The following ZNF462 variants were observed in gnomAD, a reference collection of about 807,000 sequenced individuals.
The protein encoded by ZNF462 is zinc finger protein 462, also known as zinc finger PBX1-interacting protein.
ZNF462 carries 10 observed loss-of-function variants against 201.9 expected under a neutral mutation model. The ratio of observed to expected loss-of-function variants is 0.05; its 90% CI spans 0.03 to 0.08. The LOEUF is 0.08. ZNF462 is among the 10% of genes least tolerant of loss of function. ZNF462 has a pLI of 1.00. For synonymous variants in ZNF462, 1,227 were observed against 1,193.3 expected (o/e 1.03, Z -0.58); for missense variants, 2,523 against 3,168.3 (o/e 0.80, Z 4.89).
rs1830096988 is a variant in ZNF462, at chr9:106,924,217, A to T, written c.305A>T (p.Lys102Ile). 6.2e-7 allele frequency: 1 copy of T among 1,614,120 alleles called. No homozygotes were observed. The highest frequency in any genetic ancestry group is 8.5e-7 in the Non-Finnish European group (1 of 1,180,026). The change falls in exon 3 of 13, where the codon AAA becomes ATA. Residue 102 changes from lysine (K) to isoleucine (I), a missense_variant. Lys to Ile is a moderately radical substitution (Grantham distance 102). This residue lies in a region of ZNF462 where 480 missense variants were observed against 544.4 expected (regional missense o/e 0.88). Coordinates refer to ENST00000277225, the MANE Select transcript of ZNF462 (RefSeq NM_021224.6). This position sits in a 1 kb window ranked among gnomAD's most constrained non-coding sequence, Gnocchi z 6.2. ...YYGQHIAANPKPTNKFFQCKF... is the reference protein window; with the variant it reads ...YYGQHIAANPIPTNKFFQCKF... The stretch of plus-strand genomic sequence containing the variant: ...GGTCAGCATATTGCCGCTAATCCCA[A>T]ACCAACAAACAAGTTTTTTCAATGC...
rs1254767062 is a variant in ZNF462 at position 106,930,273 on chromosome 9, G to A, written c.5848-252G>A. Among the ~76,000 whole-genome samples, 1 of 152,162 alleles carries A rather than the reference G, an allele frequency of 6.6e-6. No individual in the cohort carries two copies. The highest frequency in any genetic ancestry group is 1.5e-5 in the Non-Finnish European group (1 of 68,036). On this transcript the variant is annotated intron_variant, in intron 3 of 12. Transcript: ENST00000277225. This position sits in a 1 kb window ranked among gnomAD's most constrained non-coding sequence, Gnocchi z 5.8. ...GAAAACCAGATGACTTAGTGGCAGT[G>A]ACGATGAGCTTCTGCACAGAAATCT...
intron 10 of ZNF462, among the ~76,000 whole-genome samples, chr9:106,986,722 C>T (rs1827858732): frequency 6.6e-6 from 1 of 152,118 alleles, no homozygotes. Flanking sequence ...ATCACCCCAG[C>T]AGTATACACT....
chr9:106,999,286 G>A (rs1434997258), intron 10 of ZNF462, among the ~76,000 whole-genome samples: 3 of 151,882 alleles, frequency 2.0e-5, no homozygotes. Flanking sequence ...ACCAATCTCC[G>A]GGCCCAAAAA....
intron 1 of ZNF462, among the ~76,000 whole-genome samples, chr9:106,907,892 A>C (rs1829338774): frequency 6.6e-6 from 1 of 151,936 alleles, no homozygotes; most frequent in Non-Finnish European, 1.5e-5. Flanking sequence ...ACCAGATTCC[A>C]TATTTAAATA....
At position 106,993,021 on chromosome 9, in the gene ZNF462, C is replaced by CT. The variant is rs1201164173; in HGVS notation, c.7056+8619dup. On this transcript the variant is annotated intron_variant, in intron 10 of 12. Coordinates refer to ENST00000277225, the MANE Select transcript of ZNF462 (RefSeq NM_021224.6). The surrounding 1 kb of genome is among the most constrained non-coding windows in gnomAD (Gnocchi z 4.0). ...GCAATTGGTTCCAAACAGGGATTCA[C>CT]TTTTTTTCCCAGTAAAACAGTGCAT... Among the ~76,000 whole-genome samples the CT allele has an allele frequency of 1.3e-5, 2 of 152,052 alleles. No individual in the cohort carries two copies. The highest frequency in any genetic ancestry group is 2.9e-5 in the Non-Finnish European group (2 of 67,970).
rs1382146505 is a variant in ZNF462 at position 106,993,043 on chromosome 9, G to A, written c.7056+8634G>A. Among the ~76,000 whole-genome samples the A allele has an allele frequency of 6.6e-6, 1 of 152,104 alleles. No homozygotes were observed. The highest frequency in any genetic ancestry group is 1.5e-5 in the Non-Finnish European group (1 of 68,012). On this transcript the variant is annotated intron_variant, in intron 10 of 12. Transcript: ENST00000277225. This position sits in a 1 kb window ranked among gnomAD's most constrained non-coding sequence, Gnocchi z 4.0. The stretch of plus-strand genomic sequence containing the variant: ...TCACTTTTTTTCCCAGTAAAACAGT[G>A]CATTGCTCATTATATTCTTCTACAA...
Position 107,003,539 on chromosome 9 carries a change from T to G in ZNF462, c.7189+113T>G, listed in dbSNP as rs1326636153. 2 of 1,373,910 alleles carry G rather than the reference T, an allele frequency of 1.5e-6. No homozygotes were observed. The highest frequency in any genetic ancestry group is 1.9e-6 in the Non-Finnish European group (2 of 1,025,998). 85.1% of individuals were successfully genotyped at this position (1,373,910 alleles called of 1,614,324 possible). A position where few individuals can be genotyped will look rare whatever the true frequency, so the allele number is the denominator to read the frequency against. On this transcript the variant is annotated intron_variant, in intron 11 of 12. Coordinates refer to ENST00000277225, the MANE Select transcript of ZNF462 (RefSeq NM_021224.6). This position sits in a 1 kb window ranked among gnomAD's most constrained non-coding sequence, Gnocchi z 4.4. ...TAACAGAAGGAATGATCCTTCTTAG[T>G]TAAGTAGCAGAACAGACTGACTTAG... is the stretch of plus-strand genomic sequence containing the variant.
chr9:106,908,724 T>G, intron 1 of ZNF462, among the ~76,000 whole-genome samples: 1 of 151,068 alleles, frequency 6.6e-6, no homozygotes, highest in Non-Finnish European at 1.5e-5. Flanking sequence ...CTTCATTTTA[T>G]TATATAATCT....
chr9:106,971,670 G>A (rs1343454193), intron 7 of ZNF462, among the ~76,000 whole-genome samples: 1 of 151,798 alleles, frequency 6.6e-6, no homozygotes, highest in Non-Finnish European at 1.5e-5. Context: ...GGGATCCAAT[G>A]TGCAGCATAG....
Position 106,927,990 on chromosome 9 carries a change from C to A in ZNF462, c.4078C>A (p.Leu1360Ile). The change falls in exon 3 of 13, where the codon CTC becomes ATC. Residue 1360 changes from leucine (L) to isoleucine (I), a missense_variant. This residue lies in a region of ZNF462 where 165 missense variants were observed against 142.6 expected (regional missense o/e 1.16). Coordinates refer to ENST00000277225, the MANE Select transcript of ZNF462 (RefSeq NM_021224.6). ...TGGGCCAGACCCATCCCCTCCCTCT[C>A]TCACAATGCCAGCCGAAGCCAAAAC... is the stretch of plus-strand genomic sequence containing the variant. ...WAGPDPSPPS[L>I]TMPAEAKTYR... 1 of 1,614,192 alleles carries A rather than the reference C, an allele frequency of 6.2e-7. No individual in the cohort carries two copies. Among genetic ancestry groups the A allele is most frequent in the South Asian group, 1.1e-5 (1 of 91,086 alleles).
chr9:106,944,492 A>G (rs541134302), intron 7 of ZNF462, among the ~76,000 whole-genome samples: 2 of 152,318 alleles, frequency 1.3e-5, no homozygotes, highest in East Asian at 1.9e-4. Context: ...ATAATTTGAT[A>G]CATGCATATG....
rs376409885 is a variant in ZNF462 at position 106,932,585 on chromosome 9, G to T, written c.6116+36G>T. 7 of 1,613,920 alleles carry T rather than the reference G, an allele frequency of 4.3e-6. No individual in the cohort carries two copies. The highest frequency in any genetic ancestry group is 5.1e-6 in the Non-Finnish European group (6 of 1,179,956). ...TTGGGGGGTCACTAGTGGTTACTGG[G>T]AGATGATGTCATAGTGGAAGGCACT... On this transcript the variant is annotated intron_variant, in intron 5 of 12. Coordinates refer to ENST00000277225, the MANE Select transcript of ZNF462 (RefSeq NM_021224.6). This position sits in a 1 kb window ranked among gnomAD's most constrained non-coding sequence, Gnocchi z 6.8.
chr9:106,987,424 T>A (rs1032485015), intron 10 of ZNF462, among the ~76,000 whole-genome samples: 2 of 152,242 alleles, frequency 1.3e-5, no homozygotes, highest in African/African-American at 4.8e-5. Flanking sequence ...TTAGTGATGC[T>A]GAGCATTTTT....
chr9:106,862,831 A>ATTTC (rs747042341), upstream of ZNF462, among the ~76,000 whole-genome samples: 11 of 151,118 alleles, frequency 7.3e-5, no homozygotes, highest in East Asian at 5.9e-4. The surrounding 1 kb of genome is among the most constrained non-coding windows in gnomAD (Gnocchi z 4.2). Context: ...CTTTTTCCTC[A>ATTTC]TTTCTTTCTT....
At position 106,962,325 on chromosome 9, in the gene ZNF462, A is replaced by G. The variant is rs182132986; in HGVS notation, c.6428-9680A>G. On this transcript the variant is annotated intron_variant, in intron 7 of 12. Coordinates refer to ENST00000277225, the MANE Select transcript of ZNF462 (RefSeq NM_021224.6). This position sits in a 1 kb window ranked among gnomAD's most constrained non-coding sequence, Gnocchi z 4.6. ...TGGAATGAAAGAGAGAAATGAATCAAGGATTTATTCTGATTTCATTGACTG... is the reference window on the plus strand; with the variant it reads ...TGGAATGAAAGAGAGAAATGAATCAGGGATTTATTCTGATTTCATTGACTG... Among the ~76,000 whole-genome samples, 10 of 152,178 alleles carry G rather than the reference A, an allele frequency of 6.6e-5. No homozygotes were observed. The highest frequency in any genetic ancestry group is 6.5e-4 in the Admixed American group (10 of 15,274).
At position 106,935,620 on chromosome 9, in the gene ZNF462, T is replaced by G. The variant is rs558521098; in HGVS notation, c.6234T>G (p.Ala2078=). The part of the protein sequence containing the change: ...RLKTHILKAH[A]GEHAYKCSWC... ...AAACACATATACTCAAAGCTCATGC[T>G]GGTGAGTTGTGCATTGATGATGCAC... is the stretch of plus-strand genomic sequence containing the variant. The change falls in exon 6 of 13, where the codon GCT becomes GCG. Residue 2078 remains alanine (A), a splice_region_variant and synonymous_variant. Transcript: ENST00000277225. The surrounding 1 kb of genome is among the most constrained non-coding windows in gnomAD (Gnocchi z 4.1). 3.7e-6 allele frequency: 6 copies of G among 1,612,706 alleles called. No individual in the cohort carries two copies. Among genetic ancestry groups the G allele is most frequent in the African/African-American group, 1.3e-5 (1 of 74,922 alleles).
chr9:106,972,423 G>A lies in ZNF462; in HGVS notation c.6695+151G>A, dbSNP rs977404497. 3.5e-6 allele frequency: 4 copies of A among 1,128,804 alleles called. No individual in the cohort carries two copies. The African/African-American group carries it at 6.3e-5, about 18-fold the overall frequency. 69.9% of individuals were successfully genotyped at this position (1,128,804 alleles called of 1,614,324 possible). A position where few individuals can be genotyped will look rare whatever the true frequency, so the allele number is the denominator to read the frequency against. On this transcript the variant is annotated intron_variant, in intron 8 of 12. Coordinates refer to ENST00000277225, the MANE Select transcript of ZNF462 (RefSeq NM_021224.6). This position sits in a 1 kb window ranked among gnomAD's most constrained non-coding sequence, Gnocchi z 4.8. Reference sequence around the variant, plus strand: ...GGGTTGGGTCCAGGCTTCATGGAAGGAGGGTAGTTTCAGAAGACTGCTTTG... The same window carrying A: ...GGGTTGGGTCCAGGCTTCATGGAAGAAGGGTAGTTTCAGAAGACTGCTTTG...
At chr9:106,997,357 A>G (rs1385814976) in intron 10 of ZNF462, among the ~76,000 whole-genome samples, 1 of 152,170 alleles carries the variant, frequency 6.6e-6, no homozygotes, top group Non-Finnish European at 1.5e-5. Context: ...TCAGTGTCTC[A>G]AAGAGCTACT....
Position 107,009,792 on chromosome 9 carries a change from G to A in ZNF462, c.7313+124G>A, listed in dbSNP as rs1588213410. ...TCTGTGTCACATTTCTGGGCCGTGGGAGGAGAGGCAATGGTGAGGAACCAA... is the reference window on the plus strand; with the variant it reads ...TCTGTGTCACATTTCTGGGCCGTGGAAGGAGAGGCAATGGTGAGGAACCAA... On this transcript the variant is annotated intron_variant, in intron 12 of 12. Transcript: ENST00000277225. This position sits in a 1 kb window ranked among gnomAD's most constrained non-coding sequence, Gnocchi z 6.1. 1.4e-6 allele frequency: 2 copies of A among 1,391,350 alleles called. No homozygotes were observed. Among genetic ancestry groups the A allele is most frequent in the Non-Finnish European group, 1.9e-6 (2 of 1,034,352 alleles). The allele number at this position is 1,391,350 out of a possible 1,614,324, so 86.2% of individuals were successfully genotyped here.
Sources: gnomAD v4.1 joint callset for allele counts (sites outside exome capture counted in the v4.1 genomes callset) on GRCh38, gnomAD v4.1.1 for gene constraint, gnomAD v4.1.1 regional missense constraint, Gnocchi (gnomAD v3.1) non-coding constraint, MANE v1.5 for transcripts, NCBI Gene and HGNC (gene_info 2026-07-23, HGNC 2026-07-21) for gene names.